SLC28A1: variants seen among roughly 807,000 people sequenced by gnomAD.
SLC28A1 encodes solute carrier family 28 member 1.
Under a neutral mutation model 74.8 loss-of-function variants are expected in SLC28A1, and 64 were observed. That is an observed-to-expected ratio of 0.86 (90% CI 0.70 to 1.05). The LOEUF (loss-of-function observed/expected upper bound fraction) is 1.05, where lower values mean the gene tolerates loss of function less well. Ranked by LOEUF, SLC28A1 falls within the 50% of genes least tolerant of loss-of-function variation. The probability of loss-of-function intolerance (pLI) is 0.00; values close to 1 mark genes in which losing one functional copy is unlikely to be tolerated. For missense variants in SLC28A1, 828 were observed against 822.8 expected (o/e 1.01, Z -0.08); for synonymous variants, 359 against 335.0 (o/e 1.07, Z -0.78).
intron 9 of SLC28A1, among the ~76,000 whole-genome samples, chr15:84,913,825 G>T (rs192926040): frequency 4.6e-4 from 68 of 147,898 alleles, no homozygotes; most frequent in African/African-American, 1.6e-3. Flanking sequence ...GAGGCTGGAA[G>T]TCTGAGATCA....
At chr15:84,886,019 G>A (rs1002173556) in intron 1 of SLC28A1, 7 of 429,754 alleles carry the variant, frequency 1.6e-5, no homozygotes, top group East Asian at 1.6e-4. Context: ...TCCTGAGCGC[G>A]TACCATTAAT....
At chr15:84,895,161 G>C in intron 6 of SLC28A1, 38 bp downstream of exon 6, 1 of 1,610,906 alleles carries the variant, frequency 6.2e-7, no homozygotes, top group Non-Finnish European at 8.5e-7. Flanking sequence ...GGCAGGGGAG[G>C]GCCCATGAGC....
the SLC28A1 span, among the ~76,000 whole-genome samples, chr15:84,962,165 C>T: frequency 6.6e-6 from 1 of 152,062 alleles, no homozygotes; most frequent in Non-Finnish European, 1.5e-5. Context: ...GCCTCCAACT[C>T]CTGAGCTCAG....
chr15:84,895,647 G>GGGAA, intron 6 of SLC28A1: 1 of 1,431,358 alleles, frequency 7.0e-7, no homozygotes, highest in Non-Finnish European at 9.1e-7. Context: ...AGGAGAGGGA[G>GGGAA]GTTGTGGAGG....
chr15:84,948,005 A>G (rs937165503), downstream of SLC28A1, among the ~76,000 whole-genome samples: 3 of 152,186 alleles, frequency 2.0e-5, no homozygotes, highest in African/African-American at 7.2e-5. Flanking sequence ...GGGAAAAAAA[A>G]ACTGCGTGGA....
the SLC28A1 span, among the ~76,000 whole-genome samples, chr15:84,965,902 G>GA: frequency 6.9e-6 from 1 of 144,812 alleles, no homozygotes; most frequent in African/African-American, 2.6e-5. Flanking sequence ...GGGAGGCGGG[G>GA]AGGGGGGGGA....
At chr15:84,884,792 T>C in intron 1 of SLC28A1, 41 bp downstream of exon 1, 1 of 962,142 alleles carries the variant, frequency 1.0e-6, no homozygotes, top group Non-Finnish European at 1.2e-6. Flanking sequence ...AAGGCGGGAC[T>C]GAAGAAAGGA....
intron 6 of SLC28A1, among the ~76,000 whole-genome samples, chr15:84,902,852 C>G (rs1381472392): frequency 6.6e-6 from 1 of 151,950 alleles, no homozygotes; most frequent in Non-Finnish European, 1.5e-5. Context: ...GCCTCAGCCT[C>G]CCAAGTAGCT....
chr15:84,945,091 G>A, intron 18 of SLC28A1, 34 bp from the exon 19 acceptor site: 2 of 1,601,918 alleles, frequency 1.2e-6, no homozygotes, highest in Non-Finnish European at 1.7e-6. Flanking sequence ...AACCAGGCCT[G>A]GAGCTCCCAC....
intron 6 of SLC28A1, chr15:84,895,849 A>G: frequency 2.8e-6 from 3 of 1,076,140 alleles, no homozygotes; most frequent in Non-Finnish European, 3.4e-6. Context: ...GCTGGTGACC[A>G]AAGATACCCA....
At position 84,888,000 on chromosome 15, in the gene SLC28A1, A is replaced by T. The variant is rs1964803877; in HGVS notation, c.96+144A>T. 5.9e-6 allele frequency: 4 copies of T among 679,544 alleles called. No individual in the cohort carries two copies. In the Admixed American group the frequency reaches 8.7e-5, roughly 15 times the overall value. The allele number at this position is 679,544 out of a possible 1,614,324, so 42.1% of individuals were successfully genotyped here. A position where few individuals can be genotyped will look rare whatever the true frequency, so the allele number is the denominator to read the frequency against. On this transcript the variant is annotated intron_variant, in intron 3 of 18. Transcript: ENST00000394573. The stretch of plus-strand genomic sequence containing the variant: ...TTCTCACCTCTTTGCTGGCACAGTT[A>T]TGAACCTCCCAGTGTGTTGGCCTCC...
chr15:84,897,599 A>C (rs1234031635), intron 6 of SLC28A1, among the ~76,000 whole-genome samples: 1 of 148,926 alleles, frequency 6.7e-6, no homozygotes, highest in African/African-American at 2.4e-5. Context: ...TGTACTTGGG[A>C]TATCCATCAA....
the SLC28A1 span, among the ~76,000 whole-genome samples, chr15:84,965,744 G>C: frequency 6.6e-6 from 1 of 152,062 alleles, no homozygotes; most frequent in Non-Finnish European, 1.5e-5. Context: ...GAAATCTCTC[G>C]GTCCTGGGCA....
intron 15 of SLC28A1, among the ~76,000 whole-genome samples, chr15:84,942,189 A>T (rs552197444): frequency 6.6e-6 from 1 of 152,312 alleles, no homozygotes; most frequent in South Asian, 2.1e-4. Context: ...TATGAGGTAC[A>T]TGAGATGCTT....
intron 6 of SLC28A1, among the ~76,000 whole-genome samples, chr15:84,899,551 T>C (rs1160763489): frequency 6.6e-6 from 1 of 152,186 alleles, no homozygotes; most frequent in Non-Finnish European, 1.5e-5. Flanking sequence ...AATGGATTAC[T>C]AGCAGATTTC....
chr15:84,969,680 G>C, the SLC28A1 span, among the ~76,000 whole-genome samples: 3 of 152,198 alleles, frequency 2.0e-5, no homozygotes, highest in African/African-American at 2.4e-5. Context: ...TTTTGTATCT[G>C]TGAGAAGCTG....
Position 84,895,385 on chromosome 15 carries a change from A to G in SLC28A1, c.461+262A>G, listed in dbSNP as rs151297638. 237 of 1,614,034 alleles carry G rather than the reference A, an allele frequency of 1.5e-4. 2 individuals carry two copies. In the African/African-American group the frequency reaches 2.8e-3, roughly 19 times the overall value. On this transcript the variant is annotated intron_variant, in intron 6 of 18. Transcript: ENST00000394573. ...ACAGTTTCCTCCATTCAGGGATCCC[A>G]GGCCATGGAGCAAGGAGGGCCCGAA...
intron 12 of SLC28A1, among the ~76,000 whole-genome samples, chr15:84,929,568 T>A (rs58848301): frequency 0.41 from 61,587 of 149,024 alleles, 13,440 homozygotes; most frequent in Middle Eastern, 0.59. Context: ...AAATGTGGCT[T>A]CTAGGCTGGG....
chr15:84,946,072 G>A (rs8037989), downstream of SLC28A1, among the ~76,000 whole-genome samples: 32,984 of 58,850 alleles, frequency 0.56, 8,784 homozygotes, highest in East Asian at 0.87. Context: ...ATATATATAT[G>A]TGTGTGTATG....
Sources: allele counts gnomAD v4.1 joint callset (sites outside exome capture counted in the v4.1 genomes callset), GRCh38; gene constraint gnomAD v4.1.1; transcripts MANE v1.5; gene names NCBI Gene and HGNC (gene_info 2026-07-23, HGNC 2026-07-21).